Variants in ARHGEF4 observed in about 807,000 individuals in gnomAD.
ARHGEF4 encodes the protein Rho guanine nucleotide exchange factor 4, also known as APC-stimulated guanine nucleotide exchange factor 1.
A neutral mutation model predicts 162.0 loss-of-function variants in ARHGEF4; 119 were observed. The observed-to-expected ratio is 0.73, with a 90% CI of 0.63 to 0.86. The LOEUF is 0.86. Ranked by LOEUF, ARHGEF4 falls within the 40% of genes least tolerant of loss-of-function variation. ARHGEF4 has a pLI of 0.00. For missense variants in ARHGEF4, 2,488 were observed against 2,456.0 expected (o/e 1.01, Z -0.28); for synonymous variants, 1,014 against 979.9 (o/e 1.03, Z -0.65).
chr2:130,903,668 A>G (rs1261812391), intron 1 of ARHGEF4, among the ~76,000 whole-genome samples: 4 of 152,142 alleles, frequency 2.6e-5, no homozygotes, highest in African/African-American at 9.7e-5. Flanking sequence ...CATGGTACCC[A>G]ATAGGTAGTT....
rs148475014 is a variant in ARHGEF4, at chr2:130,876,135, G to A, written c.40-37851G>A. Among the ~76,000 whole-genome samples the A allele has an allele frequency of 1.1e-3, 162 of 152,216 alleles. 2 individuals carry two copies. In the East Asian group the frequency reaches 0.025, roughly 23 times the overall value. The stretch of plus-strand genomic sequence containing the variant: ...TAGGCTTTCCCCATGTCCTCACCCC[G>A]CAGGTGATTCCCTCCATGTGTCACC... On this transcript the variant is annotated intron_variant, in intron 1 of 13. Transcript: ENST00000409359.
At position 130,915,476 on chromosome 2, in the gene ARHGEF4, T is replaced by A. The variant is rs1033567858; in HGVS notation, c.1530T>A (p.Tyr510Ter). 22 of 1,550,488 alleles carry A rather than the reference T, an allele frequency of 1.4e-5. No individual in the cohort carries two copies. The highest frequency in any genetic ancestry group is 1.9e-5 in the Non-Finnish European group (22 of 1,146,996). The change falls in exon 2 of 14, where the codon TAT becomes TAA. Residue 510 changes from tyrosine (Y) to a stop codon, truncating the protein, a stop_gained. Transcript: ENST00000409359. LOFTEE classifies it high-confidence loss of function. ...AAACCAGTAATTACACATCAAAGTA[T>A]GTGCTCAGCGAGGAAAGCAAGTCAC... ...GNQTSNYTSK[Y>*]VLSEESKSPT...
intron 5 of ARHGEF4, among the ~76,000 whole-genome samples, chr2:131,030,631 A>G (rs1469632078): frequency 6.6e-6 from 1 of 152,238 alleles, no homozygotes; most frequent in Non-Finnish European, 1.5e-5. Context: ...CACGCGCCTC[A>G]TGAAGGCTAC....
At chr2:130,855,686 A>G (rs552217166) in intron 1 of ARHGEF4, among the ~76,000 whole-genome samples, 36 of 152,344 alleles carry the variant, frequency 2.4e-4, no homozygotes, top group Admixed American at 1.6e-3. Flanking sequence ...CAAAGAAGGC[A>G]GGATATCCTA....
rs111556617 is a variant in ARHGEF4 at position 130,961,602 on chromosome 2, C to T, written c.3985+14967C>T. ...CCTCTGAAGATAATGATGCAGGAAA[C>T]GAGCAAGATGTGATTTATGTGTATT... On this transcript the variant is annotated intron_variant, in intron 4 of 13. Transcript: ENST00000409359. 9.7e-3 allele frequency among the ~76,000 whole-genome samples: 1,479 copies of T among 152,226 alleles called. 16 individuals carry two copies. The highest frequency in any genetic ancestry group is 0.023 in the African/African-American group (948 of 41,546).
At chr2:130,902,247 C>A (rs1680526619) in intron 1 of ARHGEF4, among the ~76,000 whole-genome samples, 1 of 152,052 alleles carries the variant, frequency 6.6e-6, no homozygotes, top group Non-Finnish European at 1.5e-5. Flanking sequence ...TCCCTCTCTC[C>A]TTCCCTCCCT....
intron 1 of ARHGEF4, among the ~76,000 whole-genome samples, chr2:130,892,432 A>T (rs1679907933): frequency 6.6e-6 from 1 of 152,180 alleles, no homozygotes; most frequent in African/African-American, 2.4e-5. Flanking sequence ...AGACCCAATC[A>T]CAAGCCCTAG....
intron 4 of ARHGEF4, among the ~76,000 whole-genome samples, chr2:130,949,857 C>T (rs943777994): frequency 2.0e-5 from 3 of 152,210 alleles, no homozygotes; most frequent in Non-Finnish European, 4.4e-5. Context: ...CCATGTTGGC[C>T]AGGCTGGTCT....
At chr2:130,844,129 T>C (rs938748866) in intron 1 of ARHGEF4, among the ~76,000 whole-genome samples, 2 of 152,234 alleles carry the variant, frequency 1.3e-5, no homozygotes, top group African/African-American at 4.8e-5. Flanking sequence ...ATACGTTTTG[T>C]TTGCTTCTCC....
rs147463777 is a variant in ARHGEF4, at chr2:130,961,689, G to A, written c.3985+15054G>A. Among the ~76,000 whole-genome samples the A allele has an allele frequency of 8.5e-5, 13 of 152,282 alleles. No individual in the cohort carries two copies. The East Asian group carries it at 1.7e-3, about 20-fold the overall frequency. ...ACGCTGTCGCCAAGCACGGTATGGC[G>A]GTGGTAGCAATGGAGTAAGAGAGAA... On this transcript the variant is annotated intron_variant, in intron 4 of 13. Coordinates refer to ENST00000409359, the MANE Select transcript of ARHGEF4 (RefSeq NM_001367493.1).
At chr2:130,980,896 T>C (rs1686074817) in intron 4 of ARHGEF4, among the ~76,000 whole-genome samples, 1 of 152,226 alleles carries the variant, frequency 6.6e-6, no homozygotes, top group Admixed American at 6.5e-5. Flanking sequence ...ATTAAAACCA[T>C]GTACCCATAT....
intron 1 of ARHGEF4, among the ~76,000 whole-genome samples, chr2:130,867,013 A>C (rs557220886): frequency 1.3e-5 from 2 of 152,220 alleles, no homozygotes; most frequent in Admixed American, 6.5e-5. Flanking sequence ...TCAGTTTTTG[A>C]ATGCTAATTA....
chr2:131,043,318 CCCACCATGGCCTGG>C, intron 10 of ARHGEF4, 120 bp from the exon 11 acceptor site: 1 of 1,214,106 alleles, frequency 8.2e-7, no homozygotes, highest in Non-Finnish European at 1.2e-6. Context: ...TCCTCCCCCT[CCCACCATGGCCTGG>C]CCAGGTGGGC....
intron 10 of ARHGEF4, 145 bp downstream of exon 10, chr2:131,042,089 C>T: frequency 7.9e-7 from 1 of 1,262,264 alleles, no homozygotes; most frequent in Non-Finnish European, 1.1e-6. Flanking sequence ...GTGTGAAAGC[C>T]TGTCCCCAGC....
At position 130,855,775 on chromosome 2, in the gene ARHGEF4, C is replaced by T. The variant is rs114466820; in HGVS notation, c.39+18783C>T. Among the ~76,000 whole-genome samples, 117 of 152,210 alleles carry T rather than the reference C, an allele frequency of 7.7e-4. 1 individual carries two copies. Among genetic ancestry groups the T allele is most frequent in the African/African-American group, 2.7e-3 (111 of 41,540 alleles). On this transcript the variant is annotated intron_variant, in intron 1 of 13. Coordinates refer to ENST00000409359, the MANE Select transcript of ARHGEF4 (RefSeq NM_001367493.1). ...AATGTGCAGTTTGAATAATCTAAGC[C>T]GGCTAAGTCGTTATTGCTTACTTCA...
At chr2:131,039,843 G>A (rs1406107494) in intron 6 of ARHGEF4, 173 bp from the exon 7 acceptor site, 7 of 1,412,056 alleles carry the variant, frequency 5.0e-6, no homozygotes, top group African/African-American at 4.6e-5. Context: ...GTCATTCCTC[G>A]GTCCAGGACT....
At chr2:130,874,767 TAA>T (rs1190401114) in intron 1 of ARHGEF4, among the ~76,000 whole-genome samples, 1 of 152,186 alleles carries the variant, frequency 6.6e-6, no homozygotes, top group Non-Finnish European at 1.5e-5. Context: ...CCTTCTTTCA[TAA>T]CCACTGCCAC....
chr2:130,841,796 C>T (rs1278943069), intron 1 of ARHGEF4, among the ~76,000 whole-genome samples: 2 of 152,236 alleles, frequency 1.3e-5, no homozygotes, highest in African/African-American at 2.4e-5. Flanking sequence ...TGTATCCCTT[C>T]AGATGTCTGG....
At chr2:130,899,214 C>T (rs1193241844) in intron 1 of ARHGEF4, among the ~76,000 whole-genome samples, 1 of 152,196 alleles carries the variant, frequency 6.6e-6, no homozygotes, top group Non-Finnish European at 1.5e-5. Flanking sequence ...TGCTTCATAA[C>T]ATAACATATT....
Sources: gnomAD v4.1 joint callset for allele counts (sites outside exome capture counted in the v4.1 genomes callset) on GRCh38, gnomAD v4.1.1 for gene constraint, MANE v1.5 for transcripts, NCBI Gene and HGNC (gene_info 2026-07-23, HGNC 2026-07-21) for gene names.